Variants in NADSYN1 observed in about 807,000 individuals in gnomAD.
The protein encoded by NADSYN1 is glutamine-dependent NAD(+) synthetase.
Under a neutral mutation model 99.3 loss-of-function variants are expected in NADSYN1, and 80 were observed. That is an observed-to-expected ratio of 0.81 (90% CI 0.67 to 0.97). The LOEUF (loss-of-function observed/expected upper bound fraction) is 0.97. Ranked by LOEUF, NADSYN1 falls within the 50% of genes least tolerant of loss-of-function variation. NADSYN1 has a pLI of 0.00. For synonymous variants in NADSYN1, 385 were observed against 372.1 expected (o/e 1.03, Z -0.40); for missense variants, 859 against 948.5 (o/e 0.91, Z 1.24).
rs1321321637 is a variant in NADSYN1, at chr11:71,497,619, C to T, written c.1893+8C>T. The T allele has an allele frequency of 6.2e-7, 1 of 1,613,946 alleles. No homozygotes were observed. The highest frequency in any genetic ancestry group is 8.5e-7 in the Non-Finnish European group (1 of 1,179,946). ...ATCTGCACCCCGAGACAGGTAAAGC[C>T]TGTGAGACGCATCACAGAGGGAGGC... On this transcript the variant is annotated splice_region_variant and intron_variant, in intron 19 of 20. Coordinates refer to ENST00000319023, the MANE Select transcript of NADSYN1 (RefSeq NM_018161.5).
intron 18 of NADSYN1, among the ~76,000 whole-genome samples, chr11:71,496,240 G>A (rs1949817770): frequency 6.6e-6 from 1 of 152,166 alleles, no homozygotes; most frequent in Non-Finnish European, 1.5e-5. Context: ...CAAGGTGTTG[G>A]CAGAGTCCTG....
intron 1 of NADSYN1, among the ~76,000 whole-genome samples, chr11:71,454,409 A>G (rs1480705520): frequency 6.6e-6 from 1 of 152,190 alleles, no homozygotes; most frequent in Non-Finnish European, 1.5e-5. Context: ...ACAAGGTTTC[A>G]CCATGGTGGC....
chr11:71,501,220 C>G lies in NADSYN1; in HGVS notation c.2071-82C>G, dbSNP rs1446383989. On this transcript the variant is annotated intron_variant, in intron 20 of 20. Transcript: ENST00000319023. ...CTTTTTCACCTCTGGGACTTGTGAC[C>G]CGCTTTTGGTGCGTGCCAGTGTTTC... 6.1e-6 allele frequency: 8 copies of G among 1,307,784 alleles called. No individual in the cohort carries two copies. The Admixed American group carries it at 1.6e-4, about 25-fold the overall frequency. 81.0% of individuals were successfully genotyped at this position (1,307,784 alleles called of 1,614,324 possible).
In NADSYN1 at chr11:71,455,169, T is replaced by C. The variant is rs769220327; in HGVS notation, c.145T>C (p.Cys49Arg). ...RYRLGPELEICGYGCWDHYYE... is the reference protein window; with the variant it reads ...RYRLGPELEIRGYGCWDHYYE... ...CAGGCTTGGACCAGAGCTGGAAATATGGTGAGAACAGACACAGACACCCTG... is the reference window on the plus strand; with the variant it reads ...CAGGCTTGGACCAGAGCTGGAAATACGGTGAGAACAGACACAGACACCCTG... Residue 49 changes from cysteine (C) to arginine (R), a missense_variant and splice_region_variant, in exon 2 of 21, where the codon TGC (cysteine) becomes CGC (arginine). Physicochemically the swap from Cys to Arg is radical, Grantham distance 180. Transcript: ENST00000319023. 6.2e-6 allele frequency: 10 copies of C among 1,613,490 alleles called. No homozygotes were observed. In the South Asian group the frequency reaches 6.6e-5, roughly 11 times the overall value.
chr11:71,458,324 AGCCCCG>A, intron 2 of NADSYN1, 98 bp from the exon 3 acceptor site: 1 of 811,698 alleles, frequency 1.2e-6, no homozygotes, highest in Non-Finnish European at 2.1e-6. Context: ...AAAACACCTG[AGCCCCG>A]GCCCCCAGAC....
At chr11:71,457,123 TGTG>T (rs2120390611) in intron 2 of NADSYN1, among the ~76,000 whole-genome samples, 1 of 152,304 alleles carries the variant, frequency 6.6e-6, no homozygotes, top group South Asian at 2.1e-4. Context: ...CAGCGGGACG[TGTG>T]GTGTTATAAC....
At chr11:71,479,284 C>T (rs1565602444) in intron 10 of NADSYN1, 2 of 150,328 alleles carry the variant, frequency 1.3e-5, no homozygotes, top group East Asian at 1.9e-4. Context: ...TTTTTAGAGA[C>T]AGAGTCTCAC....
chr11:71,455,531 G>T, intron 2 of NADSYN1: 1 of 239,558 alleles, frequency 4.2e-6, no homozygotes. Flanking sequence ...AAGAGATGAG[G>T]CCTTTGGCAG....
chr11:71,477,325 C>CT (rs1949675556), intron 9 of NADSYN1: 11 of 1,288,468 alleles, frequency 8.5e-6, no homozygotes, highest in Non-Finnish European at 1.1e-5. Context: ...TCACACGGAC[C>CT]GTGGCTTTCT....
chr11:71,497,947 C>G (rs1169846453), intron 19 of NADSYN1, among the ~76,000 whole-genome samples: 1 of 152,180 alleles, frequency 6.6e-6, no homozygotes, highest in Non-Finnish European at 1.5e-5. Flanking sequence ...GCATTGTAGT[C>G]CAATGGAACC....
In NADSYN1 at chr11:71,473,729, G is replaced by GT. The variant is rs777627134; in HGVS notation, c.666+44dup. On this transcript the variant is annotated intron_variant, in intron 8 of 20. Coordinates refer to ENST00000319023, the MANE Select transcript of NADSYN1 (RefSeq NM_018161.5). ...GAGCGTGCGCCACAGGGCAGACACTGTATCTCAAGAACTCCTGCATCCTCA... is the reference window on the plus strand; with the variant it reads ...GAGCGTGCGCCACAGGGCAGACACTGTTATCTCAAGAACTCCTGCATCCTCA... The GT allele has an allele frequency of 7.0e-5, 98 of 1,400,582 alleles. No homozygotes were observed. In the Middle Eastern group the frequency reaches 7.2e-4, roughly 10 times the overall value. 86.8% of individuals were successfully genotyped at this position (1,400,582 alleles called of 1,614,324 possible).
At chr11:71,481,167 C>T in intron 11 of NADSYN1, 189 bp from the exon 12 acceptor site, 1 of 687,690 alleles carries the variant, frequency 1.5e-6, no homozygotes, top group Non-Finnish European at 2.5e-6. Context: ...ATGATAATAC[C>T]CACGTCCTGG....
chr11:71,488,950 G>C (rs112423191), intron 16 of NADSYN1, among the ~76,000 whole-genome samples: 4 of 152,286 alleles, frequency 2.6e-5, no homozygotes, highest in East Asian at 1.9e-4. Flanking sequence ...GAGGAGATGA[G>C]AGCAGGTGAC....
intron 2 of NADSYN1, among the ~76,000 whole-genome samples, chr11:71,455,788 G>C (rs1438663286): frequency 6.6e-6 from 1 of 152,200 alleles, no homozygotes; most frequent in Non-Finnish European, 1.5e-5. Context: ...GTTATAGCAG[G>C]CTGAAGGACC....
At chr11:71,484,544 G>C (rs1490030937) in intron 15 of NADSYN1, 97 bp downstream of exon 15, 4 of 1,466,468 alleles carry the variant, frequency 2.7e-6, no homozygotes, top group Admixed American at 4.4e-5. Flanking sequence ...CTGGGCCATC[G>C]TCTCCATGAA....
intron 14 of NADSYN1, 26 bp from the exon 15 acceptor site, chr11:71,484,286 T>C: frequency 6.2e-7 from 1 of 1,608,764 alleles, no homozygotes; most frequent in South Asian, 1.1e-5. Flanking sequence ...ACATGCTGCC[T>C]TCAACGCCTA....
At chr11:71,494,324 A>G (rs146180083) in intron 18 of NADSYN1, among the ~76,000 whole-genome samples, 34 of 152,298 alleles carry the variant, frequency 2.2e-4, no homozygotes, top group Admixed American at 7.8e-4. Flanking sequence ...AGACTGGCCC[A>G]GAGTATTCAG....
At chr11:71,482,062 G>T (rs1170149982) in intron 13 of NADSYN1, 37 bp downstream of exon 13, 7 of 1,573,968 alleles carry the variant, frequency 4.4e-6, no homozygotes, top group Non-Finnish European at 6.1e-6. Context: ...AGGCTCCAGG[G>T]TCCAGCCCTT....
intron 5 of NADSYN1, among the ~76,000 whole-genome samples, chr11:71,465,043 A>C (rs897060243): frequency 2.6e-5 from 4 of 152,094 alleles, no homozygotes; most frequent in Non-Finnish European, 5.9e-5. Context: ...GTTGTAGGTA[A>C]AGAGAGGCAG....
Sources: allele counts gnomAD v4.1 joint callset (sites outside exome capture counted in the v4.1 genomes callset), GRCh38; gene constraint gnomAD v4.1.1; transcripts MANE v1.5; gene names NCBI Gene and HGNC (gene_info 2026-07-23, HGNC 2026-07-21).